The following XRN1 variants were observed in gnomAD, a reference collection of about 807,000 sequenced individuals.
The protein encoded by XRN1 is strand-exchange protein 1 homolog.
Under a neutral mutation model 222.3 loss-of-function variants are expected in XRN1, and 67 were observed. The observed-to-expected ratio is 0.30, with a 90% CI of 0.25 to 0.37. The LOEUF (loss-of-function observed/expected upper bound fraction) is 0.37. XRN1 is among the 10% of genes least tolerant of loss of function. The pLI, the probability that XRN1 is intolerant of heterozygous loss-of-function variation, is 1.00. For missense variants in XRN1, 1,707 were observed against 2,000.2 expected (o/e 0.85, Z 2.80); for synonymous variants, 643 against 652.4 (o/e 0.99, Z 0.22).
intron 22 of XRN1, among the ~76,000 whole-genome samples, chr3:142,380,447 G>C (rs1424787944): frequency 6.6e-6 from 1 of 151,828 alleles, no homozygotes; most frequent in East Asian, 1.9e-4. Context: ...GTTTTTTCTT[G>C]TTTTCTTTTT....
At chr3:142,386,351 C>T (rs2067499435) in intron 20 of XRN1, among the ~76,000 whole-genome samples, 1 of 151,786 alleles carries the variant, frequency 6.6e-6, no homozygotes, top group African/African-American at 2.4e-5. Flanking sequence ...GGATTTATTC[C>T]AGAAATTTAG....
At chr3:142,341,169 T>C (rs899374537) in intron 33 of XRN1, among the ~76,000 whole-genome samples, 2 of 152,170 alleles carry the variant, frequency 1.3e-5, no homozygotes, top group African/African-American at 4.8e-5. Context: ...AGTTAAATTA[T>C]AGATTTTTTA....
chr3:142,392,321 ATTTCT>A (rs1360061961), intron 20 of XRN1, among the ~76,000 whole-genome samples: 3 of 118,664 alleles, frequency 2.5e-5, no homozygotes, highest in African/African-American at 4.3e-5. Context: ...TAAGCCAGCA[ATTTCT>A]TTTTTTTTTT....
At position 142,350,860 on chromosome 3, in the gene XRN1, G is replaced by C. The variant is rs1036902078; in HGVS notation, c.3769-3518C>G. 2.6e-5 allele frequency among the ~76,000 whole-genome samples: 4 copies of C among 152,172 alleles called. No homozygotes were observed. The East Asian group carries it at 7.7e-4, about 29-fold the overall frequency. On this transcript the variant is annotated intron_variant, in intron 32 of 40. Coordinates refer to ENST00000392981, the MANE Select transcript of XRN1 (RefSeq NM_001282857.2). ...GACATTAGGTAACGTAAGTTTGTGA[G>C]GGAAGAACAAGAGTTCAATTTTGGA... is the stretch of plus-strand genomic sequence containing the variant.
At chr3:142,441,113 T>C (rs1393994858) in intron 1 of XRN1, among the ~76,000 whole-genome samples, 1 of 152,112 alleles carries the variant, frequency 6.6e-6, no homozygotes, top group Non-Finnish European at 1.5e-5. Flanking sequence ...CTCACAGCAG[T>C]TTAAATACTT....
chr3:142,368,419 G>A (rs1351311009), intron 27 of XRN1, among the ~76,000 whole-genome samples: 2 of 152,166 alleles, frequency 1.3e-5, no homozygotes, highest in African/African-American at 4.8e-5. Context: ...AAAGTGCTGG[G>A]ATTACAGGCG....
chr3:142,400,472 C>T lies in XRN1; in HGVS notation c.2179G>A (p.Val727Ile). The change falls in exon 19 of 41, where the codon GTC becomes ATC. Residue 727 changes from valine to isoleucine, a missense_variant. Physicochemically the swap from Val to Ile is conservative, Grantham distance 29 (BLOSUM62 3). Coordinates refer to ENST00000392981, the MANE Select transcript of XRN1 (RefSeq NM_001282857.2). ...VNWPHLEEARVVAVSDGETKF... is the reference protein window; with the variant it reads ...VNWPHLEEARIVAVSDGETKF... ...GTTTCTCCATCTGATACAGCCACGACTCTAGCTTCCTCAAGGTGAGGCCAA... is the reference window on the plus strand; with the variant it reads ...GTTTCTCCATCTGATACAGCCACGATTCTAGCTTCCTCAAGGTGAGGCCAA... The T allele has an allele frequency of 1.9e-6, 3 of 1,612,442 alleles. No individual in the cohort carries two copies. The highest frequency in any genetic ancestry group is 1.3e-5 in the African/African-American group (1 of 75,022).
chr3:142,331,267 G>A (rs1193207547), intron 36 of XRN1, among the ~76,000 whole-genome samples: 6 of 152,270 alleles, frequency 3.9e-5, no homozygotes, highest in African/African-American at 1.4e-4. Context: ...AAATGCTAAA[G>A]TATAGAGGAC....
intron 33 of XRN1, among the ~76,000 whole-genome samples, chr3:142,338,597 T>C (rs2065908436): frequency 6.6e-6 from 1 of 152,164 alleles, no homozygotes; most frequent in Non-Finnish European, 1.5e-5. Flanking sequence ...GGAGATTTTG[T>C]CTGCATCTTA....
intron 33 of XRN1, among the ~76,000 whole-genome samples, chr3:142,340,121 C>T (rs1024898299): frequency 9.2e-5 from 14 of 151,916 alleles, no homozygotes; most frequent in Admixed American, 5.9e-4. Flanking sequence ...TTTGGGAGGC[C>T]GAGGTAGGTG....
At chr3:142,382,746 T>C (rs2067346609) in intron 22 of XRN1, among the ~76,000 whole-genome samples, 1 of 152,116 alleles carries the variant, frequency 6.6e-6, no homozygotes. Flanking sequence ...TTTCAGCAAA[T>C]AGAGCTAGAA....
chr3:142,338,410 CA>C (rs1463521181), intron 33 of XRN1, among the ~76,000 whole-genome samples: 5 of 152,110 alleles, frequency 3.3e-5, no homozygotes, highest in Non-Finnish European at 5.9e-5. Flanking sequence ...CAGGATTCAT[CA>C]CTTGTTAACT....
At chr3:142,436,155 C>T (rs1169619507) in intron 1 of XRN1, 2 of 151,320 alleles carry the variant, frequency 1.3e-5, no homozygotes, top group Non-Finnish European at 1.5e-5. Context: ...CTAATAAGCA[C>T]ATGAAAAGAT....
chr3:142,319,968 A>G (rs1686644530), intron 37 of XRN1, among the ~76,000 whole-genome samples: 1 of 152,110 alleles, frequency 6.6e-6, no homozygotes, highest in African/African-American at 2.4e-5. Flanking sequence ...TCTTTATCCA[A>G]TCATCCACTG....
intron 19 of XRN1, among the ~76,000 whole-genome samples, chr3:142,399,972 A>C (rs1191065855): frequency 6.6e-6 from 1 of 152,042 alleles, no homozygotes; most frequent in Non-Finnish European, 1.5e-5. Context: ...ACAAAAAATA[A>C]TTTATCTAAA....
Position 142,365,145 on chromosome 3 carries a change from C to T in XRN1, c.3296G>A (p.Arg1099Gln), listed in dbSNP as rs1156850382. 6.8e-6 allele frequency: 11 copies of T among 1,612,892 alleles called. No homozygotes were observed. Among genetic ancestry groups the T allele is most frequent in the East Asian group, 2.2e-5 (1 of 44,750 alleles). Residue 1099 changes from arginine (R) to glutamine (Q), a missense_variant, in exon 29 of 41, where the codon CGG becomes CAG. Physicochemically the swap from Arg to Gln is conservative, Grantham distance 43. Around this residue, in one of 2 missense-constraint regions of XRN1, gnomAD observed 1,234 missense variants for 1,518.2 expected, o/e 0.81. Transcript: ENST00000392981. Reference sequence around the variant, plus strand: ...GTCAAAAAGACAAAATTCTGCATCCCGATCAGGAATGACTCCATGTTGCTG... The same window carrying T: ...GTCAAAAAGACAAAATTCTGCATCCTGATCAGGAATGACTCCATGTTGCTG... ...LEQQHGVIPD[R>Q]DAEFCLFDRV...
intron 20 of XRN1, among the ~76,000 whole-genome samples, chr3:142,392,519 C>A (rs926989973): frequency 4.7e-4 from 72 of 152,138 alleles, no homozygotes; most frequent in African/African-American, 1.7e-3. Context: ...ATTCCCCTTC[C>A]TGTGTCCATG....
intron 37 of XRN1, among the ~76,000 whole-genome samples, chr3:142,320,106 G>A (rs1423862809): frequency 6.6e-6 from 1 of 152,088 alleles, no homozygotes; most frequent in Non-Finnish European, 1.5e-5. Flanking sequence ...TGAGATTGCT[G>A]GATTAAATCA....
chr3:142,417,684 G>A (rs2068838764), intron 12 of XRN1, among the ~76,000 whole-genome samples: 1 of 152,180 alleles, frequency 6.6e-6, no homozygotes, highest in African/African-American at 2.4e-5. Context: ...CAGAAGTGCT[G>A]TATGTGAACA....
Sources: allele counts gnomAD v4.1 joint callset (sites outside exome capture counted in the v4.1 genomes callset), GRCh38; gene constraint gnomAD v4.1.1; regional missense constraint gnomAD v4.1.1; transcripts MANE v1.5; gene names NCBI Gene and HGNC (gene_info 2026-07-23, HGNC 2026-07-21).